The following DGKI variants were observed in gnomAD, a reference collection of about 807,000 sequenced individuals.
DGKI encodes the protein diacylglycerol kinase iota, also known as DAG kinase iota.
In DGKI, 55 loss-of-function variants were observed where a neutral mutation model predicts 147.5. That is an observed-to-expected ratio of 0.37 (90% confidence interval 0.30 to 0.47). The LOEUF (loss-of-function observed/expected upper bound fraction) is 0.47, where lower values mean the gene tolerates loss of function less well. DGKI is among the 20% of genes least tolerant of loss of function. The pLI, the probability that DGKI is intolerant of heterozygous loss-of-function variation, is 1.00. For missense variants in DGKI, 1,007 were observed against 1,323.8 expected, an observed-to-expected ratio of 0.76 and a Z score of 3.71; for synonymous variants, 469 against 477.1, an observed-to-expected ratio of 0.98 and a Z score of 0.22.
intron 6 of DGKI, among the ~76,000 whole-genome samples, chr7:137,641,564 T>A (rs933088944): frequency 1.3e-5 from 2 of 152,222 alleles, no homozygotes; most frequent in African/African-American, 2.4e-5. Context: ...TGTGTTTAAG[T>A]GTAGCATGAA....
chr7:137,731,265 C>T (rs1164673806), intron 1 of DGKI, among the ~76,000 whole-genome samples: 2 of 152,070 alleles, frequency 1.3e-5, no homozygotes, highest in African/African-American at 2.4e-5. Context: ...TCTGTGTTTT[C>T]CAAAGGGCTT....
intron 6 of DGKI, among the ~76,000 whole-genome samples, chr7:137,631,991 T>C (rs1261790091): frequency 6.6e-6 from 1 of 152,188 alleles, no homozygotes; most frequent in African/African-American, 2.4e-5. Context: ...TTAGACCTGA[T>C]GCTAGGAAAC....
In DGKI at chr7:137,466,939, G is replaced by A. The variant is rs1323120316; in HGVS notation, c.2447C>T (p.Thr816Ile). The A allele has an allele frequency of 6.2e-7, 1 of 1,614,118 alleles. No homozygotes were observed. The change falls in exon 25 of 33, where the codon ACT becomes ATT. Residue 816 changes from threonine to isoleucine, a missense_variant. Thr to Ile is a moderately conservative substitution (Grantham distance 89, BLOSUM62 -1). Coordinates refer to ENST00000614521, the MANE Select transcript of DGKI (RefSeq NM_001321708.2). The stretch of plus-strand genomic sequence containing the variant: ...TATTCGATAAAAGCGATCAGCAGAA[G>A]TTGCTAGGGGAAAAAAAATGCAGAT... ...LSPRWCFLDA[T>I]SADRFYRIDR...
At chr7:137,758,044 T>C (rs1287519146) in intron 1 of DGKI, among the ~76,000 whole-genome samples, 1 of 152,250 alleles carries the variant, frequency 6.6e-6, no homozygotes, top group African/African-American at 2.4e-5. Context: ...TATCTCCTGG[T>C]TTAAGTTTCC....
intron 19 of DGKI, among the ~76,000 whole-genome samples, chr7:137,559,322 C>T (rs997372656): frequency 2.7e-5 from 4 of 150,806 alleles, no homozygotes; most frequent in South Asian, 2.1e-4. Flanking sequence ...CTGCCCGCCT[C>T]GGCCTCCCAA....
intron 19 of DGKI, among the ~76,000 whole-genome samples, chr7:137,560,000 G>C (rs573316277): frequency 1.5e-3 from 226 of 152,224 alleles, no homozygotes; most frequent in African/African-American, 5.2e-3. Context: ...CCTTATATAA[G>C]ACTGATTTTT....
intron 1 of DGKI, among the ~76,000 whole-genome samples, chr7:137,781,952 C>A (rs914458839): frequency 2.6e-5 from 4 of 152,150 alleles, no homozygotes; most frequent in Non-Finnish European, 5.9e-5. Flanking sequence ...TTACCACTGT[C>A]AATTAAGATG....
intron 19 of DGKI, 51 bp from the exon 20 acceptor site, chr7:137,552,619 A>C: frequency 6.3e-7 from 1 of 1,590,496 alleles, no homozygotes; most frequent in Non-Finnish European, 8.6e-7. Flanking sequence ...TTATTTAAGA[A>C]AGCTGGAGGC....
At chr7:137,535,192 T>C (rs1023274632) in intron 20 of DGKI, among the ~76,000 whole-genome samples, 1 of 152,154 alleles carries the variant, frequency 6.6e-6, no homozygotes, top group African/African-American at 2.4e-5. Context: ...ACTAACTCCT[T>C]TTGTTCTAAT....
chr7:137,626,012 T>C (rs546838607), intron 6 of DGKI, among the ~76,000 whole-genome samples: 1 of 152,304 alleles, frequency 6.6e-6, no homozygotes, highest in African/African-American at 2.4e-5. Context: ...CACAGTACTT[T>C]GCTGGAGGAA....
chr7:137,734,341 C>T (rs1187841185), intron 1 of DGKI, among the ~76,000 whole-genome samples: 2 of 152,182 alleles, frequency 1.3e-5, no homozygotes, highest in Non-Finnish European at 1.5e-5. Flanking sequence ...TCAATTGCTG[C>T]ATTAGAAATT....
At chr7:137,722,131 G>T in intron 1 of DGKI, 4 of 1,599,016 alleles carry the variant, frequency 2.5e-6, no homozygotes, top group Non-Finnish European at 3.4e-6. Context: ...CCGCAACCCT[G>T]TCATTGTCAG....
At chr7:137,811,287 A>G (rs1281144995) in intron 1 of DGKI, among the ~76,000 whole-genome samples, 1 of 151,982 alleles carries the variant, frequency 6.6e-6, no homozygotes, top group East Asian at 1.9e-4. Context: ...AGATCCATTA[A>G]GCTCTATTCT....
intron 1 of DGKI, among the ~76,000 whole-genome samples, chr7:137,692,515 C>T (rs900959672): frequency 2.0e-5 from 3 of 152,124 alleles, no homozygotes; most frequent in African/African-American, 7.2e-5. Flanking sequence ...TACTGTCAGG[C>T]ACCAGTAGAA....
intron 21 of DGKI, among the ~76,000 whole-genome samples, chr7:137,510,071 C>T (rs1449409156): frequency 2.6e-5 from 4 of 152,184 alleles, no homozygotes; most frequent in East Asian, 1.9e-4. Flanking sequence ...CTGATGACTG[C>T]GGTTCACGCA....
At chr7:137,454,774 AC>A (rs987541927) in intron 27 of DGKI, 2 of 152,152 alleles carry the variant, frequency 1.3e-5, no homozygotes, top group African/African-American at 4.8e-5. Flanking sequence ...AGGAGGAAGG[AC>A]CCTTTAGGAA....
At chr7:137,668,853 CA>C (rs1297246726) in intron 3 of DGKI, among the ~76,000 whole-genome samples, 3 of 152,144 alleles carry the variant, frequency 2.0e-5, no homozygotes. Context: ...TAAGACTCTC[CA>C]AACCTAGTAC....
rs1195706715 is a variant in DGKI at position 137,832,495 on chromosome 7, G to C, written c.401+13967C>G. ...AAGCAATAGCTCAAGCTATACCTTG[G>C]CCCCTTTTAGCTCTGGCTGGAGTGG... is the stretch of plus-strand genomic sequence containing the variant. On this transcript the variant is annotated intron_variant, in intron 1 of 32. Coordinates refer to ENST00000614521, the MANE Select transcript of DGKI (RefSeq NM_001321708.2). 2.6e-5 allele frequency among the ~76,000 whole-genome samples: 4 copies of C among 152,332 alleles called. No individual in the cohort carries two copies. The East Asian group carries it at 7.7e-4, about 29-fold the overall frequency.
At chr7:137,401,795 T>C (rs892648950) in intron 30 of DGKI, among the ~76,000 whole-genome samples, 10 of 152,156 alleles carry the variant, frequency 6.6e-5, no homozygotes, top group African/African-American at 2.4e-4. Flanking sequence ...AAAAATACTA[T>C]AAAATCCCTA....
Sources: allele counts gnomAD v4.1 joint callset (sites outside exome capture counted in the v4.1 genomes callset), GRCh38; gene constraint gnomAD v4.1.1; transcripts MANE v1.5; gene names NCBI Gene and HGNC (gene_info 2026-07-23, HGNC 2026-07-21).